Variants in PDE10A observed in about 807,000 individuals in gnomAD.
PDE10A encodes the protein phosphodiesterase 10A, also known as cAMP and cAMP-inhibited cGMP 3',5'-cyclic phosphodiesterase 10A.
In PDE10A, 39 loss-of-function variants were observed where a neutral mutation model predicts 97.7. That is an observed-to-expected ratio of 0.40 (90% CI 0.31 to 0.52). The LOEUF (loss-of-function observed/expected upper bound fraction) is 0.52, where lower values mean the gene tolerates loss of function less well. Ranked by LOEUF, PDE10A falls within the 20% of genes least tolerant of loss-of-function variation. The pLI, the probability that PDE10A is intolerant of heterozygous loss-of-function variation, is 0.56. For synonymous variants in PDE10A, 371 were observed against 376.8 expected, an observed-to-expected ratio of 0.98 and a Z score of 0.18; for missense variants, 731 against 1,047.8, an observed-to-expected ratio of 0.70 and a Z score of 4.17.
chr6:165,380,815 A>G (rs1449481135), intron 17 of PDE10A, among the ~76,000 whole-genome samples: 2 of 152,256 alleles, frequency 1.3e-5, no homozygotes, highest in Non-Finnish European at 2.9e-5. Context: ...AGTTCTAAGA[A>G]GGAAATATTG....
At chr6:165,419,843 C>G (rs1343127157) in intron 10 of PDE10A, among the ~76,000 whole-genome samples, 1 of 152,162 alleles carries the variant, frequency 6.6e-6, no homozygotes, top group East Asian at 1.9e-4. Flanking sequence ...ACCTTGCAGC[C>G]AGGGCAAAAT....
chr6:165,586,686 T>A (rs570464257), intron 1 of PDE10A, among the ~76,000 whole-genome samples: 1 of 152,338 alleles, frequency 6.6e-6, no homozygotes, highest in East Asian at 1.9e-4. Flanking sequence ...AAACCACAAG[T>A]AACGTCTAGA....
At chr6:165,503,258 CT>C (rs899522025) in intron 2 of PDE10A, among the ~76,000 whole-genome samples, 6 of 152,136 alleles carry the variant, frequency 3.9e-5, no homozygotes, top group African/African-American at 1.4e-4. Context: ...AAGGTTATTC[CT>C]CCACATTTAC....
intron 1 of PDE10A, among the ~76,000 whole-genome samples, chr6:165,969,291 T>C (rs571195023): frequency 6.6e-6 from 1 of 152,270 alleles, no homozygotes; most frequent in South Asian, 2.1e-4. Flanking sequence ...GATAAGCAGC[T>C]CTGCCAAAGA....
At chr6:165,581,274 A>C (rs898303239) in intron 1 of PDE10A, among the ~76,000 whole-genome samples, 10 of 152,180 alleles carry the variant, frequency 6.6e-5, no homozygotes, top group African/African-American at 2.2e-4. Context: ...GTGTCCCCCC[A>C]AAATTCATAT....
chr6:165,713,887 G>T (rs575791115), intron 1 of PDE10A, among the ~76,000 whole-genome samples: 1 of 152,304 alleles, frequency 6.6e-6, no homozygotes, highest in South Asian at 2.1e-4. Context: ...CAATTAGAGC[G>T]CTTTATTGCT....
chr6:165,509,288 C>T (rs1781378106), intron 2 of PDE10A, among the ~76,000 whole-genome samples: 1 of 151,874 alleles, frequency 6.6e-6, no homozygotes, highest in Non-Finnish European at 1.5e-5. Context: ...CTACTTTATT[C>T]TTCTGCATAT....
chr6:165,634,390 G>T (rs917345854), intron 1 of PDE10A, among the ~76,000 whole-genome samples: 7 of 152,244 alleles, frequency 4.6e-5, no homozygotes, highest in African/African-American at 1.7e-4. Context: ...CCTGAGTCCT[G>T]CAACTTTATT....
chr6:165,943,268 A>C (rs1783626563), intron 1 of PDE10A, among the ~76,000 whole-genome samples: 1 of 125,500 alleles, frequency 8.0e-6, no homozygotes, highest in Non-Finnish European at 1.7e-5. Context: ...GGAAGGAAGG[A>C]AGGAAGGAAA....
chr6:165,923,337 A>G (rs9365939), intron 1 of PDE10A, among the ~76,000 whole-genome samples: 90,725 of 152,124 alleles, frequency 0.6, 27,901 homozygotes, highest in African/African-American at 0.74. Context: ...GTGCATGTCT[A>G]CTAGAAAAAG....
chr6:165,797,787 A>C (rs1185996405), intron 1 of PDE10A, among the ~76,000 whole-genome samples: 1 of 152,228 alleles, frequency 6.6e-6, no homozygotes, highest in Non-Finnish European at 1.5e-5. Context: ...TTGAAATGAC[A>C]GAAGGCAAAC....
At chr6:165,565,056 G>C (rs1784709182) in intron 1 of PDE10A, among the ~76,000 whole-genome samples, 1 of 152,126 alleles carries the variant, frequency 6.6e-6, no homozygotes, top group African/African-American at 2.4e-5. Context: ...GGATGGGAAA[G>C]ATATTCCATT....
chr6:165,948,018 G>A (rs1207291558), intron 1 of PDE10A, among the ~76,000 whole-genome samples: 2 of 151,176 alleles, frequency 1.3e-5, no homozygotes, highest in Non-Finnish European at 2.9e-5. Context: ...ATCAGAATTC[G>A]ACCTGAATCT....
chr6:165,683,589 C>T (rs1791035815), intron 1 of PDE10A, among the ~76,000 whole-genome samples: 2 of 152,086 alleles, frequency 1.3e-5, no homozygotes, highest in Admixed American at 6.5e-5. Context: ...TATTAAGTGC[C>T]GTGTTTTATC....
In PDE10A at chr6:165,338,361, T is replaced by C. The variant is rs551410524; in HGVS notation, c.2976+917A>G. Among the ~76,000 whole-genome samples, 151 of 152,350 alleles carry C rather than the reference T, an allele frequency of 9.9e-4. 1 individual carries two copies. The highest frequency in any genetic ancestry group is 1.8e-3 in the Non-Finnish European group (124 of 68,024). ...GTTAAACTTATCTGTATCATAATTA[T>C]TTATTTGCCCACAACTAACTTCCTT... On this transcript the variant is annotated intron_variant, in intron 20 of 21. Coordinates refer to ENST00000539869, the MANE Select transcript of PDE10A (RefSeq NM_001385079.1).
intron 1 of PDE10A, among the ~76,000 whole-genome samples, chr6:165,628,432 T>C (rs1788484808): frequency 6.6e-6 from 1 of 152,150 alleles, no homozygotes; most frequent in African/African-American, 2.4e-5. Flanking sequence ...TAGCTCAATG[T>C]AGACTCAAAC....
intron 18 of PDE10A, among the ~76,000 whole-genome samples, chr6:165,355,124 T>C (rs1782944232): frequency 6.6e-6 from 1 of 152,206 alleles, no homozygotes; most frequent in Non-Finnish European, 1.5e-5. Flanking sequence ...TTTAAAGTGA[T>C]ACTGAGGTAA....
chr6:165,943,206 A>G (rs1330584421), intron 1 of PDE10A, among the ~76,000 whole-genome samples: 22 of 76,408 alleles, frequency 2.9e-4, no homozygotes, highest in Non-Finnish European at 5.4e-4. Context: ...AAAGAAAGAA[A>G]GAAAGAAAGA....
intron 13 of PDE10A, among the ~76,000 whole-genome samples, chr6:165,404,826 T>A (rs1025747938): frequency 9.9e-5 from 15 of 151,630 alleles, no homozygotes; most frequent in Admixed American, 5.3e-4. Context: ...TATTCTAGTT[T>A]ATGGAAACCA....
Sources: gnomAD v4.1 joint callset for allele counts (sites outside exome capture counted in the v4.1 genomes callset) on GRCh38, gnomAD v4.1.1 for gene constraint, MANE v1.5 for transcripts, NCBI Gene and HGNC (gene_info 2026-07-23, HGNC 2026-07-21) for gene names.